SHPK: variants seen among roughly 807,000 people sequenced by gnomAD.
SHPK encodes the protein carbohydrate kinase-like protein.
Under a neutral mutation model 46.3 loss-of-function variants are expected in SHPK, and 51 were observed. That is an observed-to-expected ratio of 1.10 (90% confidence interval 0.88 to 1.39). The LOEUF is 1.39. Ranked by LOEUF, SHPK falls within the 40% of genes most tolerant of loss-of-function variation. The probability of loss-of-function intolerance (pLI) is 0.00; values close to 1 mark genes in which losing one functional copy is unlikely to be tolerated. For synonymous variants in SHPK, 290 were observed against 273.9 expected (o/e 1.06, Z -0.58); for missense variants, 668 against 641.3 (o/e 1.04, Z -0.45).
chr17:3,610,806 G>T lies in SHPK; in HGVS notation c.1191C>A (p.His397Gln). 6.2e-7 allele frequency: 1 copy of T among 1,614,154 alleles called. No individual in the cohort carries two copies. The highest frequency in any genetic ancestry group is 1.3e-5 in the African/African-American group (1 of 75,052). The change falls in exon 7 of 7, where the codon CAC (histidine) becomes CAA (glutamine). Residue 397 changes from histidine to glutamine, a missense_variant. Coordinates refer to ENST00000225519, the MANE Select transcript of SHPK (RefSeq NM_013276.4). ...RISSSDLSLGHVTRALCRGIV... is the reference protein window; with the variant it reads ...RISSSDLSLGQVTRALCRGIV... ...TGCCTCGGCACAGAGCCCGGGTCACGTGCCCCAGGGAGAGGTCGGAGGAGG... is the reference window on the plus strand; with the variant it reads ...TGCCTCGGCACAGAGCCCGGGTCACTTGCCCCAGGGAGAGGTCGGAGGAGG...
Position 3,616,104 on chromosome 17 carries a change from G to A in SHPK, c.824-567C>T, listed in dbSNP as rs368893401. ...CCTGACCTCATGATCCACCCACCTC[G>A]GCCTCCCAAAGTGTTCGGATTACAG... is the stretch of plus-strand genomic sequence containing the variant. On this transcript the variant is annotated intron_variant, in intron 5 of 6. Transcript: ENST00000225519. Among the ~76,000 whole-genome samples the A allele has an allele frequency of 1.4e-4, 21 of 152,076 alleles. No homozygotes were observed. In the East Asian group the frequency reaches 2.7e-3, roughly 20 times the overall value.
intron 1 of SHPK, among the ~76,000 whole-genome samples, chr17:3,633,276 C>A (rs574397395): frequency 6.6e-6 from 1 of 151,668 alleles, no homozygotes; most frequent in African/African-American, 2.4e-5. Flanking sequence ...CCACCGCGCC[C>A]GGCCACAGAT....
intron 2 of SHPK, among the ~76,000 whole-genome samples, chr17:3,629,475 A>G (rs2075457023): frequency 6.6e-6 from 1 of 152,200 alleles, no homozygotes; most frequent in African/African-American, 2.4e-5. Context: ...TCACACCTGT[A>G]ATCCCAGCAC....
rs376139374 is a variant in SHPK, at chr17:3,610,522, A to T, written c.*38T>A. ...ATGGTGTCAGGAATGTTAATCAGGT[A>T]AAATTCACAGCAGTCGTTTGGCGAA... On this transcript the variant is annotated 3_prime_UTR_variant, in exon 7 of 7. Transcript: ENST00000225519. The T allele has an allele frequency of 1.1e-4, 175 of 1,555,614 alleles. No homozygotes were observed. Among genetic ancestry groups the T allele is most frequent in the Non-Finnish European group, 1.5e-4 (170 of 1,145,810 alleles).
chr17:3,623,537 G>A lies in SHPK; in HGVS notation c.495-46C>T, dbSNP rs369378557. 3.6e-5 allele frequency: 57 copies of A among 1,599,084 alleles called. No individual in the cohort carries two copies. In the Middle Eastern group the frequency reaches 6.6e-4, roughly 19 times the overall value. ...AACCAACACGGTATAACATGAACTC[G>A]GAAGCATGTGCCGCACCTAGCTGCA... is the stretch of plus-strand genomic sequence containing the variant. On this transcript the variant is annotated intron_variant, in intron 3 of 6. Coordinates refer to ENST00000225519, the MANE Select transcript of SHPK (RefSeq NM_013276.4).
chr17:3,615,278 G>C, intron 6 of SHPK, 59 bp downstream of exon 6: 2 of 1,539,854 alleles, frequency 1.3e-6, no homozygotes, highest in Non-Finnish European at 1.8e-6. Flanking sequence ...GAAGCTCCGA[G>C]ACCCTGCCGG....
At chr17:3,627,996 G>A (rs1272312145) in intron 2 of SHPK, among the ~76,000 whole-genome samples, 1 of 151,880 alleles carries the variant, frequency 6.6e-6, no homozygotes, top group Non-Finnish European at 1.5e-5. Flanking sequence ...GGGAGGAAGG[G>A]GAGGAGGAAG....
chr17:3,630,110 G>A, intron 2 of SHPK, 95 bp downstream of exon 2: 1 of 1,503,082 alleles, frequency 6.7e-7, no homozygotes, highest in Non-Finnish European at 9.2e-7. Flanking sequence ...CCCACTGCAG[G>A]ATAACCCGAC....
chr17:3,611,798 GTTTT>G (rs570066157), intron 6 of SHPK, among the ~76,000 whole-genome samples: 2 of 92,138 alleles, frequency 2.2e-5, no homozygotes, highest in Admixed American at 1.4e-4. Flanking sequence ...AGCTCTGCGG[GTTTT>G]TTTTTTTTTT....
intron 5 of SHPK, among the ~76,000 whole-genome samples, chr17:3,617,072 A>G (rs1325012646): frequency 3.9e-5 from 6 of 152,034 alleles, no homozygotes. Context: ...GGGTTTCACC[A>G]TGTTGGCCAG....
Position 3,626,153 on chromosome 17 carries a change from T to C in SHPK, c.311-1922A>G, listed in dbSNP as rs183883812. Among the ~76,000 whole-genome samples the C allele has an allele frequency of 2.7e-3, 411 of 152,344 alleles. 2 individuals are homozygous for C. Among genetic ancestry groups the C allele is most frequent in the Non-Finnish European group, 4.7e-3 (318 of 68,026 alleles). On this transcript the variant is annotated intron_variant, in intron 2 of 6. Coordinates refer to ENST00000225519, the MANE Select transcript of SHPK (RefSeq NM_013276.4). ...TGTCAATCTGATCCTTATTCTTTCA[T>C]ATGGGATCTGATCTTTTGCTCTGTA...
At position 3,624,106 on chromosome 17, in the gene SHPK, G is replaced by A. The variant is rs778994281; in HGVS notation, c.436C>T (p.His146Tyr). 2.5e-6 allele frequency: 4 copies of A among 1,614,016 alleles called. No homozygotes were observed. Among genetic ancestry groups the A allele is most frequent in the Middle Eastern group, 1.6e-4 (1 of 6,084 alleles). ...CCGAAGCCCGTGGCCACACTGAGAT[G>A]AGACTTCGGCTGGGGCAGAGAGGCC... The part of the protein sequence containing the change: ...FLASLPQPKS[H>Y]LSVATGFGCA... The change falls in exon 3 of 7, where the codon CAT (histidine) becomes TAT (tyrosine). Residue 146 changes from histidine (H) to tyrosine (Y), a missense_variant. Coordinates refer to ENST00000225519, the MANE Select transcript of SHPK (RefSeq NM_013276.4).
chr17:3,627,305 A>G (rs957274523), intron 2 of SHPK, among the ~76,000 whole-genome samples: 1 of 152,056 alleles, frequency 6.6e-6, no homozygotes, highest in Admixed American at 6.6e-5. Flanking sequence ...AAACAGGCGT[A>G]ACCACAGGCC....
At chr17:3,627,488 G>A (rs563924909) in intron 2 of SHPK, among the ~76,000 whole-genome samples, 13 of 152,096 alleles carry the variant, frequency 8.5e-5, no homozygotes, top group East Asian at 1.9e-4. Context: ...CTAGCAAAGC[G>A]TTTTATAGGT....
intron 1 of SHPK, among the ~76,000 whole-genome samples, chr17:3,635,194 G>GAAGGAAGA (rs1567688779): frequency 1.9e-5 from 1 of 53,586 alleles, no homozygotes; most frequent in Non-Finnish European, 3.8e-5. Flanking sequence ...AGGAAAGAAT[G>GAAGGAAGA]AAGGAAGGAA....
At chr17:3,631,901 GTTTAT>G (rs1395973999) in intron 1 of SHPK, among the ~76,000 whole-genome samples, 6 of 152,102 alleles carry the variant, frequency 3.9e-5, no homozygotes, top group East Asian at 1.9e-4. Context: ...AATTTCACTT[GTTTAT>G]TTTAATAGGG....
chr17:3,617,471 C>T (rs1470574015), intron 5 of SHPK, among the ~76,000 whole-genome samples: 4 of 152,124 alleles, frequency 2.6e-5, no homozygotes, highest in African/African-American at 9.7e-5. Context: ...CTGGGTCAGA[C>T]AGAAACTAAA....
intron 1 of SHPK, among the ~76,000 whole-genome samples, chr17:3,635,065 G>C (rs1029352253): frequency 6.6e-6 from 1 of 151,662 alleles, no homozygotes; most frequent in South Asian, 2.1e-4. Context: ...CCAGCTACTC[G>C]GGAGGCTGAA....
rs1432380013 is a variant in SHPK at position 3,609,705 on chromosome 17, G to A, written c.*855C>T. The A allele has an allele frequency of 6.6e-6, 1 of 152,384 alleles. No homozygotes were observed. The highest frequency in any genetic ancestry group is 1.5e-5 in the Non-Finnish European group (1 of 68,140). 9.4% of individuals were successfully genotyped at this position (152,384 alleles called of 1,614,324 possible). A position where few individuals can be genotyped will look rare whatever the true frequency, so the allele number is the denominator to read the frequency against. Reference sequence around the variant, plus strand: ...TGCATCCCTTCCCATGAGGGCTTCTGGAATGTGCAGGGGCAAAAACACTGC... The same window carrying A: ...TGCATCCCTTCCCATGAGGGCTTCTAGAATGTGCAGGGGCAAAAACACTGC... On this transcript the variant is annotated 3_prime_UTR_variant, in exon 7 of 7. Coordinates refer to ENST00000225519, the MANE Select transcript of SHPK (RefSeq NM_013276.4).
Sources: allele counts gnomAD v4.1 joint callset (sites outside exome capture counted in the v4.1 genomes callset), GRCh38; gene constraint gnomAD v4.1.1; transcripts MANE v1.5; gene names NCBI Gene and HGNC (gene_info 2026-07-23, HGNC 2026-07-21).